The following COL6A5 variants were observed in gnomAD, a reference collection of about 807,000 sequenced individuals.
COL6A5 encodes the protein collagen type VI alpha 5 chain.
A neutral mutation model predicts 65.6 loss-of-function variants in COL6A5; 48 were observed. The ratio of observed to expected loss-of-function variants is 0.73; its 90% CI spans 0.58 to 0.93. The LOEUF is 0.93. Among genes scored for constraint, COL6A5 ranks in the 40% least tolerant of loss-of-function variants. The probability of loss-of-function intolerance (pLI) is 0.00; values close to 1 mark genes in which losing one functional copy is unlikely to be tolerated. For synonymous variants in COL6A5, 291 were observed against 322.8 expected (o/e 0.90, Z 1.05); for missense variants, 914 against 928.3 (o/e 0.98, Z 0.20).
At chr3:130,399,362 A>ATTTC (rs1339318805) in intron 10 of COL6A5, among the ~76,000 whole-genome samples, 10 of 134,682 alleles carry the variant, frequency 7.4e-5, no homozygotes, top group East Asian at 2.7e-4. Flanking sequence ...GCCTTAACTC[A>ATTTC]TTTCTTTCTT....
chr3:130,360,144 A>G (rs567181545), intron 1 of COL6A5, among the ~76,000 whole-genome samples: 7 of 152,218 alleles, frequency 4.6e-5, no homozygotes, highest in African/African-American at 1.4e-4. Flanking sequence ...AAAATCCCCA[A>G]TAGATCTCCA....
At chr3:130,400,428 A>G (rs899152601) in intron 10 of COL6A5, among the ~76,000 whole-genome samples, 30 of 152,238 alleles carry the variant, frequency 2.0e-4, no homozygotes, top group African/African-American at 7.2e-4. Context: ...TCCTATTAAT[A>G]ATTTAAAAAT....
chr3:130,411,567 T>C (rs1236113163), intron 20 of COL6A5, among the ~76,000 whole-genome samples: 1 of 152,208 alleles, frequency 6.6e-6, no homozygotes, highest in Non-Finnish European at 1.5e-5. Flanking sequence ...TAAAATTCTT[T>C]GGGACTTTGC....
At chr3:130,379,915 C>T (rs1426290048) in exon 4 of COL6A5, 2 of 1,551,316 alleles carry the variant, frequency 1.3e-6, no homozygotes, top group Non-Finnish European at 1.7e-6. Context: ...GTCTTATCCT[C>T]CAGAACAGAC....
At chr3:130,387,917 CAT>C (rs775103083) in intron 5 of COL6A5, among the ~76,000 whole-genome samples, 85 of 151,432 alleles carry the variant, frequency 5.6e-4, no homozygotes, top group Non-Finnish European at 1.0e-3. Flanking sequence ...AATGAACATA[CAT>C]ATGTGTGTAT....
chr3:130,401,095 A>C, exon 11 of COL6A5: 1 of 1,551,328 alleles, frequency 6.4e-7, no homozygotes, highest in Non-Finnish European at 8.7e-7. Flanking sequence ...CTAGCTTTGA[A>C]TTTGGAAAAA....
chr3:130,440,874 G>T (rs1399398061), intron 3 of COL6A5, 49 bp downstream of exon 35: 6 of 1,348,252 alleles, frequency 4.5e-6, no homozygotes, highest in Non-Finnish European at 4.2e-6. Context: ...GCTAGTGTTT[G>T]TTAATACAGT....
At chr3:130,480,919 G>A (rs973950375) in intron 7 of COL6A5, among the ~76,000 whole-genome samples, 3 of 152,064 alleles carry the variant, frequency 2.0e-5, no homozygotes, top group Admixed American at 2.0e-4. Flanking sequence ...GGCAAATAAG[G>A]GTGTCATCTC....
intron 3 of COL6A5, among the ~76,000 whole-genome samples, chr3:130,379,042 A>G (rs554693291): frequency 5.2e-4 from 79 of 151,314 alleles, no homozygotes; most frequent in African/African-American, 1.8e-3. Context: ...TGGTTCCTTC[A>G]CTTCACTAGT....
chr3:130,461,957 G>T (rs762430284), intron 5 of COL6A5, among the ~76,000 whole-genome samples: 1 of 151,764 alleles, frequency 6.6e-6, no homozygotes, highest in African/African-American at 2.4e-5. Context: ...GACCCACAAG[G>T]CTCACTTTTA....
intron 1 of COL6A5, among the ~76,000 whole-genome samples, chr3:130,348,991 A>C (rs1313098915): frequency 6.6e-6 from 1 of 152,042 alleles, no homozygotes; most frequent in East Asian, 1.9e-4. Context: ...AATTTGTTTA[A>C]GTTCAAGGAA....
intron 2 of COL6A5, among the ~76,000 whole-genome samples, 197 bp downstream of exon 34, chr3:130,439,812 A>C (rs1290487011): frequency 6.6e-6 from 1 of 151,484 alleles, no homozygotes; most frequent in Non-Finnish European, 1.5e-5. Context: ...AAATTGGTTT[A>C]GAAAATTATC....
intron 22 of COL6A5, 24 bp downstream of exon 22, chr3:130,414,155 A>T (rs1483449801): frequency 6.6e-7 from 1 of 1,508,410 alleles, no homozygotes; most frequent in East Asian, 2.5e-5. Flanking sequence ...TTTTGTAAAT[A>T]TTGATAAATG....
At position 130,475,457 on chromosome 3, in the gene COL6A5, C is replaced by CT. The variant is rs915803164; in HGVS notation, c.2328+4498dup. ...AGGCTAGAAGACAGTGGAACAACTT[C>CT]TTTTTTTTCTCTTTAATGTGCTGAA... is the stretch of plus-strand genomic sequence containing the variant. On this transcript the variant is annotated intron_variant, in intron 7 of 7. Transcript: ENST00000512836. Among the ~76,000 whole-genome samples, 9 of 151,990 alleles carry CT rather than the reference C, an allele frequency of 5.9e-5. No homozygotes were observed. The East Asian group carries it at 1.5e-3, about 26-fold the overall frequency.
intron 1 of COL6A5, among the ~76,000 whole-genome samples, chr3:130,365,069 C>G (rs1350276927): frequency 6.6e-6 from 1 of 152,156 alleles, no homozygotes; most frequent in East Asian, 1.9e-4. Context: ...TTCTCTCTGA[C>G]TTTGATGGTG....
intron 12 of COL6A5, among the ~76,000 whole-genome samples, 200 bp from the exon 13 acceptor site, chr3:130,403,409 G>A (rs547586362): frequency 2.7e-4 from 41 of 152,248 alleles, no homozygotes; most frequent in African/African-American, 8.4e-4. Flanking sequence ...GTCACCTTCT[G>A]CAAGAGGGGC....
intron 3 of COL6A5, 105 bp downstream of exon 35, chr3:130,440,930 A>G (rs1403947300): frequency 1.2e-6 from 1 of 836,172 alleles, no homozygotes; most frequent in South Asian, 1.8e-5. Context: ...AACATAATTT[A>G]TGAATTAGAT....
chr3:130,484,654 G>A (rs754709784), exon 8 of COL6A5: 12 of 398,446 alleles, frequency 3.0e-5, no homozygotes, highest in Non-Finnish European at 4.4e-5. Context: ...AGTGATAAGA[G>A]GCTAATTTTA....
At chr3:130,432,451 T>C (rs1937861504) in intron 1 of COL6A5, among the ~76,000 whole-genome samples, 2 of 151,308 alleles carry the variant, frequency 1.3e-5, no homozygotes, top group African/African-American at 4.9e-5. Flanking sequence ...CTCAGGAGGC[T>C]GAGACAGGAG....
Sources: gnomAD v4.1 joint callset for allele counts (sites outside exome capture counted in the v4.1 genomes callset) on GRCh38, gnomAD v4.1.1 for gene constraint, MANE v1.5 for transcripts, NCBI Gene and HGNC (gene_info 2026-07-23, HGNC 2026-07-21) for gene names.